The following GPR149 variants were observed in gnomAD, a reference collection of about 807,000 sequenced individuals.
GPR149 encodes the protein G protein-coupled receptor 149.
A neutral mutation model predicts 50.2 loss-of-function variants in GPR149; 50 were observed. That is an observed-to-expected ratio of 1.00 (90% CI 0.79 to 1.26). The LOEUF is 1.26. GPR149 is among the 50% of genes most tolerant of loss of function. GPR149 has a pLI of 0.00. For synonymous variants in GPR149, 405 were observed against 358.2 expected (o/e 1.13, Z -1.48); for missense variants, 983 against 895.4 (o/e 1.10, Z -1.25).
rs1711598726 is a variant in GPR149, at chr3:154,403,448, A to C, written c.1623+17591T>G. 2.6e-5 allele frequency among the ~76,000 whole-genome samples: 4 copies of C among 152,098 alleles called. No individual in the cohort carries two copies. In the South Asian group the frequency reaches 8.3e-4, roughly 32 times the overall value. On this transcript the variant is annotated intron_variant, in intron 3 of 3. Transcript: ENST00000389740. ...GCTACATTTCTGTCATGTTTGCAAAACTCATTCATGTTTTGTTAGCTTTAG... is the reference window on the plus strand; with the variant it reads ...GCTACATTTCTGTCATGTTTGCAAACCTCATTCATGTTTTGTTAGCTTTAG...
At chr3:154,414,574 A>G (rs1711934823) in intron 3 of GPR149, among the ~76,000 whole-genome samples, 1 of 151,944 alleles carries the variant, frequency 6.6e-6, no homozygotes, top group Non-Finnish European at 1.5e-5. Flanking sequence ...TACAAGGGGG[A>G]AAAATAGAAA....
At chr3:154,394,020 C>G (rs1276332563) in intron 3 of GPR149, among the ~76,000 whole-genome samples, 1 of 151,808 alleles carries the variant, frequency 6.6e-6, no homozygotes, top group Non-Finnish European at 1.5e-5. Context: ...GCAATCCCTA[C>G]CAAAAAACCC....
chr3:154,395,505 T>C (rs1715269969), intron 3 of GPR149, among the ~76,000 whole-genome samples: 2 of 151,394 alleles, frequency 1.3e-5, no homozygotes, highest in South Asian at 4.2e-4. Context: ...ATTTATAAGT[T>C]ACTTTTTGGG....
At chr3:154,380,100 T>G (rs535755323) in intron 3 of GPR149, among the ~76,000 whole-genome samples, 1 of 151,790 alleles carries the variant, frequency 6.6e-6, no homozygotes, top group East Asian at 1.9e-4. Context: ...GGTACACAGT[T>G]TACATTTGCT....
chr3:154,352,779 C>G (rs537792552), intron 3 of GPR149: 5 of 805,382 alleles, frequency 6.2e-6, no homozygotes, highest in Admixed American at 1.7e-5. Flanking sequence ...TAACTAAATC[C>G]ATTGTAGAAG....
At chr3:154,343,596 AAAATTTGC>A (rs1713854536) in intron 3 of GPR149, among the ~76,000 whole-genome samples, 1 of 152,106 alleles carries the variant, frequency 6.6e-6, no homozygotes, top group Admixed American at 6.5e-5. Flanking sequence ...CACTATTTCA[AAAATTTGC>A]CCTAATGGTT....
chr3:154,349,620 C>A (rs1220244037), intron 3 of GPR149, among the ~76,000 whole-genome samples: 1 of 152,190 alleles, frequency 6.6e-6, no homozygotes, highest in Admixed American at 6.5e-5. Context: ...AAAGAAATCT[C>A]TTCAGCCTTA....
intron 3 of GPR149, among the ~76,000 whole-genome samples, chr3:154,405,384 C>T (rs1401036351): frequency 1.3e-5 from 2 of 151,790 alleles, no homozygotes; most frequent in African/African-American, 2.4e-5. Flanking sequence ...GTCAGGAGAG[C>T]GAGACCATCC....
chr3:154,415,508 A>G lies in GPR149; in HGVS notation c.1623+5531T>C, dbSNP rs185503362. ...GCCACACTTCAAATAGCCACTCTAAACTATACCAGATAATGACACAAAGGG... is the reference window on the plus strand; with the variant it reads ...GCCACACTTCAAATAGCCACTCTAAGCTATACCAGATAATGACACAAAGGG... On this transcript the variant is annotated intron_variant, in intron 3 of 3. Transcript: ENST00000389740. Among the ~76,000 whole-genome samples, 10 of 152,086 alleles carry G rather than the reference A, an allele frequency of 6.6e-5. No individual in the cohort carries two copies. In the East Asian group the frequency reaches 1.9e-3, roughly 29 times the overall value.
rs757671343 is a variant in GPR149 at position 154,338,151 on chromosome 3, T to C, written c.1744A>G (p.Ile582Val). 5.6e-6 allele frequency: 9 copies of C among 1,614,174 alleles called. No individual in the cohort carries two copies. Among genetic ancestry groups the C allele is most frequent in the Admixed American group, 1.7e-5 (1 of 60,014 alleles). The change falls in exon 4 of 4, where the codon ATA (isoleucine) becomes GTA (valine). Residue 582 changes from isoleucine (I) to valine (V), a missense_variant. Physicochemically the swap from Ile to Val is conservative, Grantham distance 29. Transcript: ENST00000389740. Reference sequence around the variant, plus strand: ...TCTATTTTCTTAGAGGCTGGAGTTATTTTTTGCCCTTCTGCGCTTACCTCA... The same window carrying C: ...TCTATTTTCTTAGAGGCTGGAGTTACTTTTTGCCCTTCTGCGCTTACCTCA... ...TYEVSAEGQK[I>V]TPASKKIEVY...
chr3:154,390,339 A>T (rs1715142360), intron 3 of GPR149, among the ~76,000 whole-genome samples: 1 of 152,206 alleles, frequency 6.6e-6, no homozygotes, highest in African/African-American at 2.4e-5. Context: ...AGAACAAAGC[A>T]TATAAACAAA....
chr3:154,337,847 C>T lies in GPR149; in HGVS notation c.2048G>A (p.Gly683Asp). The T allele has an allele frequency of 6.2e-7, 1 of 1,614,038 alleles. No individual in the cohort carries two copies. Among genetic ancestry groups the T allele is most frequent in the Non-Finnish European group, 8.5e-7 (1 of 1,179,974 alleles). ...GTCTGGAATGGAGATATTAATATCA[C>T]CATCAGGATTACTGGTGGGCAAAAA... The part of the protein sequence containing the change: ...SLFLPTSNPD[G>D]DINISIPDTV... Residue 683 changes from glycine to aspartate, a missense_variant, in exon 4 of 4, where the codon GGT becomes GAT. Transcript: ENST00000389740.
chr3:154,392,182 C>A (rs1715186943), intron 3 of GPR149, among the ~76,000 whole-genome samples: 1 of 151,714 alleles, frequency 6.6e-6, no homozygotes, highest in Non-Finnish European at 1.5e-5. Flanking sequence ...CAAAACATTT[C>A]ACCAAAGAGC....
At chr3:154,400,844 C>G (rs1442585905) in intron 3 of GPR149, among the ~76,000 whole-genome samples, 2 of 152,164 alleles carry the variant, frequency 1.3e-5, no homozygotes, top group African/African-American at 2.4e-5. Flanking sequence ...TCATAAGAGA[C>G]TAGCCACTAC....
At chr3:154,362,727 T>C (rs1463267220) in intron 3 of GPR149, among the ~76,000 whole-genome samples, 1 of 152,144 alleles carries the variant, frequency 6.6e-6, no homozygotes, top group Non-Finnish European at 1.5e-5. Flanking sequence ...AAGGCACCAA[T>C]ACACTTATTA....
chr3:154,342,477 C>G (rs1713819897), intron 3 of GPR149, among the ~76,000 whole-genome samples: 1 of 152,186 alleles, frequency 6.6e-6, no homozygotes, highest in Non-Finnish European at 1.5e-5. Context: ...CATGCGATCT[C>G]AGATCACTGA....
At chr3:154,386,603 G>A (rs1715049121) in intron 3 of GPR149, among the ~76,000 whole-genome samples, 1 of 152,180 alleles carries the variant, frequency 6.6e-6, no homozygotes, top group African/African-American at 2.4e-5. Context: ...AGCAACATGT[G>A]TCATCCCCTC....
chr3:154,370,788 A>T (rs575714141), intron 3 of GPR149, among the ~76,000 whole-genome samples: 24 of 152,260 alleles, frequency 1.6e-4, no homozygotes, highest in Middle Eastern at 3.4e-3. Context: ...CTATCCGAGG[A>T]ATCTTAAGAC....
intron 3 of GPR149, among the ~76,000 whole-genome samples, chr3:154,381,349 G>A (rs701122): frequency 0.77 from 117,339 of 152,002 alleles, 46,232 homozygotes; most frequent in Middle Eastern, 0.91. Context: ...ATGTGTTCTC[G>A]TTGCTCCTCA....
Sources: gnomAD v4.1 joint callset for allele counts (sites outside exome capture counted in the v4.1 genomes callset) on GRCh38, gnomAD v4.1.1 for gene constraint, MANE v1.5 for transcripts, NCBI Gene and HGNC (gene_info 2026-07-23, HGNC 2026-07-21) for gene names.